The following PCSK5 variants were observed in gnomAD, a reference collection of about 807,000 sequenced individuals.
PCSK5 encodes the protein prohormone convertase 5.
Under a neutral mutation model 233.2 loss-of-function variants are expected in PCSK5, and 129 were observed. That is an observed-to-expected ratio of 0.55 (90% CI 0.48 to 0.64). The LOEUF (loss-of-function observed/expected upper bound fraction) is 0.64, where lower values mean the gene tolerates loss of function less well. Ranked by LOEUF, PCSK5 falls within the 30% of genes least tolerant of loss-of-function variation. PCSK5 has a pLI of 0.00. For missense variants in PCSK5, 2,076 were observed against 2,430.1 expected (o/e 0.85, Z 3.06); for synonymous variants, 825 against 879.2 (o/e 0.94, Z 1.09).
At chr9:75,978,808 A>G (rs915509479) in intron 2 of PCSK5, among the ~76,000 whole-genome samples, 3 of 151,758 alleles carry the variant, frequency 2.0e-5, no homozygotes, top group African/African-American at 7.3e-5. Flanking sequence ...TCCTAGTACA[A>G]TGATCTACAT....
rs1830412203 is a variant in PCSK5 at position 76,360,377 on chromosome 9, T to G, written c.*1455T>G. The stretch of plus-strand genomic sequence containing the variant: ...AGGTTAGGTAACTAGTCCAAGGTCA[T>G]GCAAAGCTCAACAAAATTCAAGAAA... On this transcript the variant is annotated 3_prime_UTR_variant, in exon 38 of 38. Transcript: ENST00000674117. 1 of 152,176 alleles carries G rather than the reference T, an allele frequency of 6.6e-6. No homozygotes were observed. The highest frequency in any genetic ancestry group is 2.4e-5 in the African/African-American group (1 of 41,420). 9.4% of individuals were successfully genotyped at this position (152,176 alleles called of 1,614,324 possible).
intron 2 of PCSK5, among the ~76,000 whole-genome samples, chr9:75,949,374 A>G (rs1462957785): frequency 6.6e-6 from 1 of 151,942 alleles, no homozygotes; most frequent in Admixed American, 6.6e-5. Flanking sequence ...AAATCCCAGT[A>G]TCCCATGACA....
intron 20 of PCSK5, among the ~76,000 whole-genome samples, chr9:76,201,032 G>T (rs1824894711): frequency 6.6e-6 from 1 of 152,196 alleles, no homozygotes; most frequent in Non-Finnish European, 1.5e-5. Context: ...TGGCTGTATT[G>T]AGCCAGTTGA....
chr9:76,177,004 T>G (rs1823643251), intron 14 of PCSK5, among the ~76,000 whole-genome samples: 1 of 152,156 alleles, frequency 6.6e-6, no homozygotes, highest in African/African-American at 2.4e-5. Flanking sequence ...AAGAACTGTT[T>G]ATAGGCCAGG....
At chr9:76,353,872 T>C (rs1179553260) in intron 36 of PCSK5, among the ~76,000 whole-genome samples, 161 bp from the exon 37 acceptor site, 1 of 152,168 alleles carries the variant, frequency 6.6e-6, no homozygotes, top group Admixed American at 6.5e-5. Context: ...CAGTTGGTTC[T>C]TTCACCCAAC....
At chr9:76,030,466 C>A (rs1828607918) in intron 5 of PCSK5, among the ~76,000 whole-genome samples, 1 of 152,198 alleles carries the variant, frequency 6.6e-6, no homozygotes, top group Non-Finnish European at 1.5e-5. Context: ...AATTTGTTAC[C>A]TCTGTGACAC....
intron 3 of PCSK5, among the ~76,000 whole-genome samples, chr9:75,987,179 A>G: frequency 6.6e-6 from 1 of 151,958 alleles, no homozygotes; most frequent in Non-Finnish European, 1.5e-5. Context: ...CCTGCCTCCC[A>G]TTCCTTCTGC....
intron 5 of PCSK5, among the ~76,000 whole-genome samples, chr9:76,054,957 T>G (rs1280063582): frequency 2.6e-5 from 4 of 152,220 alleles, no homozygotes; most frequent in African/African-American, 4.8e-5. Flanking sequence ...TTATCAATAG[T>G]GATCTATTAT....
At chr9:76,053,134 G>T (rs577161937) in intron 5 of PCSK5, among the ~76,000 whole-genome samples, 2 of 152,176 alleles carry the variant, frequency 1.3e-5, no homozygotes, top group East Asian at 3.9e-4. Flanking sequence ...CTGGCAAATG[G>T]TGCAAGCTGT....
At chr9:76,151,693 G>A (rs978938113) in intron 10 of PCSK5, among the ~76,000 whole-genome samples, 3 of 152,156 alleles carry the variant, frequency 2.0e-5, no homozygotes, top group Non-Finnish European at 4.4e-5. Flanking sequence ...GCAGATCTTG[G>A]CTCACATGGA....
chr9:76,219,287 G>A (rs1007733254), intron 20 of PCSK5, among the ~76,000 whole-genome samples: 2 of 152,152 alleles, frequency 1.3e-5, no homozygotes, highest in African/African-American at 4.8e-5. Flanking sequence ...GAGAAAGAGG[G>A]TAATTTGAGG....
chr9:76,331,791 G>A (rs116566360), intron 33 of PCSK5, among the ~76,000 whole-genome samples: 1 of 152,152 alleles, frequency 6.6e-6, no homozygotes, highest in Admixed American at 6.5e-5. Flanking sequence ...AAGGGGCCAT[G>A]AGCCAAGGCA....
chr9:75,950,217 G>GTT (rs549663422), intron 2 of PCSK5, among the ~76,000 whole-genome samples: 4 of 137,594 alleles, frequency 2.9e-5, no homozygotes, highest in African/African-American at 8.0e-5. Flanking sequence ...TTATTTATTT[G>GTT]TTTTTTTTTT....
At chr9:76,199,202 C>A (rs1024191775) in intron 20 of PCSK5, among the ~76,000 whole-genome samples, 2 of 152,142 alleles carry the variant, frequency 1.3e-5, no homozygotes, top group Admixed American at 6.5e-5. Flanking sequence ...CATAGCCTAC[C>A]ACCCACCTAA....
chr9:75,955,375 A>G (rs1825050760), intron 2 of PCSK5, among the ~76,000 whole-genome samples: 1 of 152,126 alleles, frequency 6.6e-6, no homozygotes, highest in South Asian at 2.1e-4. Flanking sequence ...GCCTTCTCCT[A>G]CCCTTTAAAC....
intron 5 of PCSK5, among the ~76,000 whole-genome samples, chr9:76,028,583 C>T (rs547967564): frequency 7.2e-5 from 11 of 151,962 alleles, no homozygotes; most frequent in Non-Finnish European, 1.2e-4. Flanking sequence ...TCAGCTGATC[C>T]GTCGAGTGCA....
intron 5 of PCSK5, among the ~76,000 whole-genome samples, chr9:76,058,322 G>A (rs1256962101): frequency 1.3e-5 from 2 of 152,140 alleles, no homozygotes; most frequent in Admixed American, 6.6e-5. Flanking sequence ...AGTGGGATGA[G>A]TGAGGATTCT....
At chr9:76,263,990 A>G (rs181695330) in intron 24 of PCSK5, among the ~76,000 whole-genome samples, 3 of 152,266 alleles carry the variant, frequency 2.0e-5, no homozygotes, top group Admixed American at 2.0e-4. Context: ...AAAGAGCCTG[A>G]ATAGGCCAAA....
intron 28 of PCSK5, 73 bp downstream of exon 28, chr9:76,302,290 C>A: frequency 1.4e-6 from 1 of 697,122 alleles, no homozygotes; most frequent in Non-Finnish European, 2.2e-6. Context: ...GTGGAGAAAT[C>A]ACCCCAAGAA....
Sources: gnomAD v4.1 joint callset for allele counts (sites outside exome capture counted in the v4.1 genomes callset) on GRCh38, gnomAD v4.1.1 for gene constraint, MANE v1.5 for transcripts, NCBI Gene and HGNC (gene_info 2026-07-23, HGNC 2026-07-21) for gene names.